HMCN2: variants seen among roughly 807,000 people sequenced by gnomAD.
The protein encoded by HMCN2 is hemicentin 2.
HMCN2 carries 325 observed loss-of-function variants against 377.5 expected under a neutral mutation model. That is an observed-to-expected ratio of 0.86 (90% CI 0.79 to 0.94). The LOEUF is 0.94. Ranked by LOEUF, HMCN2 falls within the 40% of genes least tolerant of loss-of-function variation. HMCN2 has a pLI of 0.00. For synonymous variants in HMCN2, 2,007 were observed against 2,046.8 expected (o/e 0.98, Z 0.53); for missense variants, 4,543 against 4,725.3 (o/e 0.96, Z 1.13).
chr9:130,293,279 G>GTTTTCTTTTTTTTTTTT (rs1835902310), intron 4 of HMCN2, among the ~76,000 whole-genome samples: 1 of 57,126 alleles, frequency 1.8e-5, no homozygotes, highest in Non-Finnish European at 2.7e-5. Flanking sequence ...ACTCACTAAA[G>GTTTTCTTTTTTTTTTTT]TTTTTTTTTT....
chr9:130,340,131 T>C (rs1285437213), intron 23 of HMCN2, among the ~76,000 whole-genome samples: 2 of 152,184 alleles, frequency 1.3e-5, no homozygotes, highest in Non-Finnish European at 2.9e-5. Flanking sequence ...TCACTTGCCA[T>C]GTAGGAAGGA....
chr9:130,402,974 G>A, intron 78 of HMCN2, 78 bp downstream of exon 78: 1 of 1,150,360 alleles, frequency 8.7e-7, no homozygotes, highest in Non-Finnish European at 1.1e-6. Context: ...GTGGGGCTCA[G>A]GATGGAGGTG....
At chr9:130,277,449 A>G (rs1554923515) in intron 1 of HMCN2, among the ~76,000 whole-genome samples, 1 of 152,126 alleles carries the variant, frequency 6.6e-6, no homozygotes, top group African/African-American at 2.4e-5. Flanking sequence ...ACAGCTTGCA[A>G]CTGGGGTCAG....
At position 130,265,925 on chromosome 9, in the gene HMCN2, CGGCAGTGGCAGTGGCAGT is replaced by C; in HGVS notation, c.51_68del (p.Val18_Ala23del). 2.3e-6 allele frequency: 1 copy of C among 428,028 alleles called. No homozygotes were observed. Among genetic ancestry groups the C allele is most frequent in the South Asian group, 1.7e-5 (1 of 59,200 alleles). The allele number at this position is 428,028 out of a possible 1,614,324, so 26.5% of individuals were successfully genotyped here. A position where few individuals can be genotyped will look rare whatever the true frequency, so the allele number is the denominator to read the frequency against. ...CTGCGGCTGCTGACCGCGGTCTCTG[CGGCAGTGGCAGTGGCAGT>C]GGCCGGGGCGCCCGGGACGGTAATG... is the stretch of plus-strand genomic sequence containing the variant. On this transcript the variant is annotated inframe_deletion, in exon 1 of 98. Transcript: ENST00000683500.
intron 43 of HMCN2, among the ~76,000 whole-genome samples, chr9:130,367,003 C>T (rs577540447): frequency 6.6e-5 from 10 of 152,038 alleles, no homozygotes; most frequent in South Asian, 6.2e-4. Context: ...CTCGACCAAG[C>T]GGACTTGAAA....
intron 93 of HMCN2, 156 bp from the exon 94 acceptor site, chr9:130,429,401 G>C (rs1008641503): frequency 4.7e-6 from 4 of 842,836 alleles, no homozygotes; most frequent in Non-Finnish European, 7.4e-6. Context: ...GGTATAACTG[G>C]GGGAGGTGCT....
Position 130,351,526 on chromosome 9 carries a change from G to A in HMCN2, c.4534G>A (p.Ala1512Thr). The part of the protein sequence containing the change: ...VGDEGRYQCV[A>T]FSPAGQQARD... ...GGATGAGGGACGATACCAGTGCGTGGCCTTCAGCCCAGCTGGTCAGCAGGC... is the reference window on the plus strand; with the variant it reads ...GGATGAGGGACGATACCAGTGCGTGACCTTCAGCCCAGCTGGTCAGCAGGC... Residue 1512 changes from alanine (A) to threonine (T), a missense_variant, in exon 30 of 98, where the codon GCC (alanine) becomes ACC (threonine). Ala to Thr is a moderately conservative substitution (Grantham distance 58). Around this residue, in one of 5 missense-constraint regions of HMCN2, gnomAD observed 1,032 missense variants for 1,285.1 expected, o/e 0.80. Coordinates refer to ENST00000683500, the MANE Select transcript of HMCN2 (RefSeq NM_001291815.2). The surrounding 1 kb of genome is among the most constrained non-coding windows in gnomAD (Gnocchi z 5.4). 1 of 1,304,224 alleles carries A rather than the reference G, an allele frequency of 7.7e-7. No individual in the cohort carries two copies. The highest frequency in any genetic ancestry group is 1.0e-6 in the Non-Finnish European group (1 of 988,930). The allele number at this position is 1,304,224 out of a possible 1,614,324, so 80.8% of individuals were successfully genotyped here.
chr9:130,348,863 CAG>C, intron 27 of HMCN2, 119 bp from the exon 28 acceptor site: 1 of 1,203,342 alleles, frequency 8.3e-7, no homozygotes, highest in Non-Finnish European at 1.1e-6. Flanking sequence ...GGCTGCGTGG[CAG>C]AGAGCATGGC....
rs1238915374 is a variant in HMCN2, at chr9:130,285,149, G to A, written c.331-9G>A. 1 of 470,808 alleles carries A rather than the reference G, an allele frequency of 2.1e-6. No homozygotes were observed. Among genetic ancestry groups the A allele is most frequent in the Admixed American group, 2.3e-5 (1 of 42,558 alleles). 29.2% of individuals were successfully genotyped at this position (470,808 alleles called of 1,614,324 possible). On this transcript the variant is annotated splice_polypyrimidine_tract_variant and intron_variant, in intron 2 of 97. Transcript: ENST00000683500. Reference sequence around the variant, plus strand: ...AGGTGGCAGCTGCTGACATGCTTCTGCCCTCCAGGGAGGTGGTGACTGCCC... The same window carrying A: ...AGGTGGCAGCTGCTGACATGCTTCTACCCTCCAGGGAGGTGGTGACTGCCC...
In HMCN2 at chr9:130,418,833, C is replaced by T. The variant is rs1843828186; in HGVS notation, c.13023C>T (p.Ala4341=). ...DMTVRSGDDV[A]LRCQATGEPT... Reference sequence around the variant, plus strand: ...CAGTGAGATCTGGGGATGACGTGGCCCTGCGGTGCCAGGCCACTGGAGAGC... The same window carrying T: ...CAGTGAGATCTGGGGATGACGTGGCTCTGCGGTGCCAGGCCACTGGAGAGC... Residue 4341 remains alanine, a synonymous_variant, in exon 86 of 98, where the codon GCC becomes GCT. Coordinates refer to ENST00000683500, the MANE Select transcript of HMCN2 (RefSeq NM_001291815.2). The T allele has an allele frequency of 1.3e-6, 2 of 1,539,234 alleles. No individual in the cohort carries two copies. The highest frequency in any genetic ancestry group is 2.0e-5 in the Admixed American group (1 of 49,756).
chr9:130,403,054 G>A lies in HMCN2; in HGVS notation c.11879-140G>A. The A allele has an allele frequency of 2.9e-6, 3 of 1,046,256 alleles. 1 individual carries two copies. The highest frequency in any genetic ancestry group is 3.1e-5 in the South Asian group (2 of 64,716). 64.8% of individuals were successfully genotyped at this position (1,046,256 alleles called of 1,614,324 possible). On this transcript the variant is annotated intron_variant, in intron 78 of 97. Transcript: ENST00000683500. ...TTTGGCAGGAAAAGAATCAGCCATG[G>A]CGTCCTTGTTGCTGTGGCCGATGTT...
At chr9:130,401,055 C>A in intron 77 of HMCN2, 108 bp downstream of exon 77, 1 of 988,646 alleles carries the variant, frequency 1.0e-6, no homozygotes, top group Non-Finnish European at 1.3e-6. Context: ...TCTGGCCTGG[C>A]ACTGCCTCTC....
At chr9:130,415,064 A>G (rs1425036671) in intron 85 of HMCN2, among the ~76,000 whole-genome samples, 1 of 152,160 alleles carries the variant, frequency 6.6e-6, no homozygotes, top group Non-Finnish European at 1.5e-5. Flanking sequence ...ACCGATCCCC[A>G]GCAATAATGA....
intron 97 of HMCN2, chr9:130,432,978 C>T (rs1304666237): frequency 5.6e-6 from 2 of 358,850 alleles, no homozygotes; most frequent in African/African-American, 4.2e-5. Context: ...AGCAGATGCC[C>T]GCGGCAAGGC....
At chr9:130,332,764 G>A (rs1399595184) in intron 22 of HMCN2, among the ~76,000 whole-genome samples, 1 of 152,214 alleles carries the variant, frequency 6.6e-6, no homozygotes, top group African/African-American at 2.4e-5. Context: ...TTTCCGGGAG[G>A]GGTTCTCTCC....
In HMCN2 at chr9:130,347,746, TG is replaced by T. The variant is rs1204404643; in HGVS notation, c.4024+388del. ...AAAATGACCCCTTGGCTGGGCATGGTGGCTTGCACCTGTAATCCTAGCACTT... is the reference window on the plus strand; with the variant it reads ...AAAATGACCCCTTGGCTGGGCATGGTGCTTGCACCTGTAATCCTAGCACTT... On this transcript the variant is annotated intron_variant, in intron 26 of 97. Coordinates refer to ENST00000683500, the MANE Select transcript of HMCN2 (RefSeq NM_001291815.2). The surrounding 1 kb of genome is among the most constrained non-coding windows in gnomAD (Gnocchi z 5.1). Among the ~76,000 whole-genome samples the T allele has an allele frequency of 6.6e-6, 1 of 152,180 alleles. No individual in the cohort carries two copies. Among genetic ancestry groups the T allele is most frequent in the Non-Finnish European group, 1.5e-5 (1 of 68,016 alleles).
At chr9:130,328,655 C>T (rs1173824862) in intron 22 of HMCN2, among the ~76,000 whole-genome samples, 3 of 127,884 alleles carry the variant, frequency 2.3e-5, no homozygotes, top group Admixed American at 8.3e-5. Flanking sequence ...TGCTGGGAGG[C>T]GGGGGTGGGG....
chr9:130,408,963 G>A (rs1274845513), intron 84 of HMCN2, 30 bp downstream of exon 84: 4 of 1,268,556 alleles, frequency 3.2e-6, no homozygotes, highest in Non-Finnish European at 4.1e-6. Context: ...CTTGGGTGGG[G>A]CCACTGAGGA....
At chr9:130,306,721 G>T (rs112947273) in intron 12 of HMCN2, 90 bp from the exon 13 acceptor site, 2 of 415,276 alleles carry the variant, frequency 4.8e-6, no homozygotes, top group African/African-American at 4.1e-5. Context: ...AATGGTCGTC[G>T]CTAGTGGCAT....
Sources: gnomAD v4.1 joint callset for allele counts (sites outside exome capture counted in the v4.1 genomes callset) on GRCh38, gnomAD v4.1.1 for gene constraint, gnomAD v4.1.1 regional missense constraint, Gnocchi (gnomAD v3.1) non-coding constraint, MANE v1.5 for transcripts, NCBI Gene and HGNC (gene_info 2026-07-23, HGNC 2026-07-21) for gene names.